GGT1: variants seen among roughly 807,000 people sequenced by gnomAD.
The protein encoded by GGT1 is glutathione hydrolase 1 proenzyme.
A neutral mutation model predicts 56.0 loss-of-function variants in GGT1; 21 were observed. The ratio of observed to expected loss-of-function variants is 0.38; its 90% CI spans 0.27 to 0.54. GGT1 has a LOEUF of 0.54. Among genes scored for constraint, GGT1 ranks in the 20% least tolerant of loss-of-function variants. GGT1 has a pLI of 0.82. For synonymous variants in GGT1, 238 were observed against 342.6 expected (o/e 0.69, Z 3.37); for missense variants, 466 against 787.0 (o/e 0.59, Z 4.88).
At chr22:24,588,933 G>A in the GGT1 span, 15 of 1,003,150 alleles carry the variant, frequency 1.5e-5, no homozygotes, top group East Asian at 1.1e-4. Context: ...CGAGGTGCGC[G>A]GCCCACAAAG....
Position 24,620,983 on chromosome 22 carries a change from A to G in GGT1, c.646A>G (p.Thr216Ala), listed in dbSNP as rs1601738345. ...ACTGACCCTGCCGCAGCTGGCTGAC[A>G]CCTACGAGACGCTGGCCATCGAGGG... ...ERLTLPQLAD[T>A]YETLAIEGAQ... Residue 216 changes from threonine to alanine, a missense_variant, in exon 9 of 16, where the codon ACC becomes GCC. Coordinates refer to ENST00000400382, the MANE Select transcript of GGT1 (RefSeq NM_001288833.2). This position sits in a 1 kb window ranked among gnomAD's most constrained non-coding sequence, Gnocchi z 5.6. 1 of 1,611,740 alleles carries G rather than the reference A, an allele frequency of 6.2e-7. No individual in the cohort carries two copies. The highest frequency in any genetic ancestry group is 2.3e-4 in the Middle Eastern group (1 of 4,428).
chr22:24,628,481 G>A lies in GGT1; in HGVS notation c.1563+93G>A. On this transcript the variant is annotated intron_variant, in intron 15 of 15. Transcript: ENST00000400382. The surrounding 1 kb of genome is among the most constrained non-coding windows in gnomAD (Gnocchi z 5.7). Reference sequence around the variant, plus strand: ...GATCATCACAGAGTGGACAATGGTTGGTGTCCTCTCTCTAGTGCCTGGGCC... The same window carrying A: ...GATCATCACAGAGTGGACAATGGTTAGTGTCCTCTCTCTAGTGCCTGGGCC... The A allele has an allele frequency of 6.6e-7, 1 of 1,524,872 alleles. No individual in the cohort carries two copies. Among genetic ancestry groups the A allele is most frequent in the South Asian group, 1.1e-5 (1 of 87,746 alleles). 94.5% of individuals were successfully genotyped at this position (1,524,872 alleles called of 1,614,324 possible).
At chr22:24,609,821 A>G in intron 2 of GGT1, 144 bp from the exon 3 acceptor site, 1 of 360,966 alleles carries the variant, frequency 2.8e-6, no homozygotes, top group South Asian at 2.1e-5. Flanking sequence ...AAGGGAGTCC[A>G]CAGGGGACAT....
At chr22:24,618,792 C>G (rs1003279445) in intron 7 of GGT1, among the ~76,000 whole-genome samples, 14 of 152,086 alleles carry the variant, frequency 9.2e-5, no homozygotes, top group Admixed American at 2.6e-4. Flanking sequence ...CCAAGCCAAG[C>G]CAAATGGCCC....
chr22:24,597,949 A>G (rs890357433), intron 1 of GGT1: 2 of 152,196 alleles, frequency 1.3e-5, no homozygotes, highest in African/African-American at 4.8e-5. Context: ...AAGTCTGGGC[A>G]TTGGGAACAT....
chr22:24,589,673 C>G, the GGT1 span: 1 of 892,602 alleles, frequency 1.1e-6, no homozygotes, highest in Non-Finnish European at 1.6e-6. Context: ...CTGATGCTGG[C>G]AGCAGGTCTC....
At chr22:24,625,548 GTT>G (rs1007309688) in intron 11 of GGT1, among the ~76,000 whole-genome samples, 1 of 146,994 alleles carries the variant, frequency 6.8e-6, no homozygotes, top group South Asian at 2.1e-4. Flanking sequence ...TTACAGGTGT[GTT>G]TTTTTTTTTG....
At position 24,627,844 on chromosome 22, in the gene GGT1, G is replaced by A. The variant is rs2047892237; in HGVS notation, c.1209-8G>A. On this transcript the variant is annotated splice_polypyrimidine_tract_variant and splice_region_variant and intron_variant, in intron 12 of 15. Coordinates refer to ENST00000400382, the MANE Select transcript of GGT1 (RefSeq NM_001288833.2). ...GGTCGGGCACTGTCTGACCTGGCTG[G>A]GCGGTAGCTTTGGCTCCAAGGTCCG... 6.2e-6 allele frequency: 10 copies of A among 1,610,990 alleles called. No homozygotes were observed. Among genetic ancestry groups the A allele is most frequent in the South Asian group, 1.1e-5 (1 of 90,626 alleles).
At chr22:24,616,284 C>A (rs984212423) in intron 7 of GGT1, among the ~76,000 whole-genome samples, 5 of 151,226 alleles carry the variant, frequency 3.3e-5, no homozygotes, top group Non-Finnish European at 7.4e-5. Context: ...CGTGGTGGCA[C>A]AGGCCTGTAA....
chr22:24,589,634 T>C, the GGT1 span: 1 of 685,958 alleles, frequency 1.5e-6, no homozygotes, highest in African/African-American at 1.8e-5. Flanking sequence ...CAGCTCACAC[T>C]TGCTCTAGCT....
At chr22:24,613,455 T>TA (rs555483212) in intron 5 of GGT1, among the ~76,000 whole-genome samples, 345 of 152,258 alleles carry the variant, frequency 2.3e-3, no homozygotes, top group Non-Finnish European at 3.6e-3. Context: ...GTTTGCTTGA[T>TA]AAAGAGGAAA....
At chr22:24,588,722 C>T in the GGT1 span, 1 of 1,067,780 alleles carries the variant, frequency 9.4e-7, no homozygotes, top group Non-Finnish European at 1.1e-6. Flanking sequence ...GGGAGCCGTG[C>T]TCCACTGACG....
intron 1 of GGT1, among the ~76,000 whole-genome samples, chr22:24,597,635 A>C (rs140371945): frequency 8.3e-4 from 126 of 151,894 alleles, no homozygotes; most frequent in Middle Eastern, 6.8e-3. Context: ...GAGCCGAGAT[A>C]GCACCACGGC....
chr22:24,609,869 G>T (rs2046554453), intron 2 of GGT1, 96 bp from the exon 3 acceptor site: 1 of 402,852 alleles, frequency 2.5e-6, no homozygotes, highest in Admixed American at 2.7e-5. Flanking sequence ...AGGCCTCCTG[G>T]GGGTGTCCCC....
chr22:24,589,270 G>A, the GGT1 span: 2 of 1,257,590 alleles, frequency 1.6e-6, no homozygotes. Context: ...GGGCAGCTGT[G>A]GGGTGGAGGC....
the GGT1 span, among the ~76,000 whole-genome samples, chr22:24,584,398 G>C: frequency 1.3e-5 from 2 of 152,194 alleles, no homozygotes; most frequent in African/African-American, 4.8e-5. Flanking sequence ...TCCGCCTAAA[G>C]CAGTGAGATC....
In GGT1 at chr22:24,620,583, G is replaced by A; in HGVS notation, c.575+63G>A. 5 of 1,608,204 alleles carry A rather than the reference G, an allele frequency of 3.1e-6. No individual in the cohort carries two copies. The South Asian group carries it at 3.3e-5, about 11-fold the overall frequency. On this transcript the variant is annotated intron_variant, in intron 8 of 15. Transcript: ENST00000400382. This position sits in a 1 kb window ranked among gnomAD's most constrained non-coding sequence, Gnocchi z 5.6. The stretch of plus-strand genomic sequence containing the variant: ...CAGGCACAGCCCAAGGACCTTGCAG[G>A]CCGTAGCAGCAGTGGAGCAGCCCTC...
upstream of GGT1, among the ~76,000 whole-genome samples, chr22:24,599,902 G>T (rs953623756): frequency 7.2e-5 from 11 of 152,210 alleles, no homozygotes; most frequent in Admixed American, 1.3e-4. Context: ...GGGGGCTGTG[G>T]GTGAACAGGT....
At chr22:24,588,289 T>C in the GGT1 span, 1 of 1,613,632 alleles carries the variant, frequency 6.2e-7, no homozygotes, top group Non-Finnish European at 8.5e-7. Context: ...GTAGATGAGC[T>C]GTCGGCAGAT....
Sources: gnomAD v4.1 joint callset for allele counts (sites outside exome capture counted in the v4.1 genomes callset) on GRCh38, gnomAD v4.1.1 for gene constraint, Gnocchi (gnomAD v3.1) non-coding constraint, MANE v1.5 for transcripts, NCBI Gene and HGNC (gene_info 2026-07-23, HGNC 2026-07-21) for gene names.